ZYG11A: variants seen among roughly 807,000 people sequenced by gnomAD.
ZYG11A encodes protein zyg-11 homolog A.
ZYG11A carries 62 observed loss-of-function variants against 77.2 expected under a neutral mutation model. That is an observed-to-expected ratio of 0.80 (90% CI 0.65 to 0.99). ZYG11A has a LOEUF of 0.99. Among genes scored for constraint, ZYG11A ranks in the 50% least tolerant of loss-of-function variants. The pLI is 0.00. For missense variants in ZYG11A, 828 were observed against 896.8 expected, an observed-to-expected ratio of 0.92 and a Z score of 0.98; for synonymous variants, 315 against 324.6, an observed-to-expected ratio of 0.97 and a Z score of 0.32.
intron 1 of ZYG11A, among the ~76,000 whole-genome samples, chr1:52,850,332 T>C (rs1434330150): frequency 6.6e-6 from 1 of 151,560 alleles, no homozygotes; most frequent in Non-Finnish European, 1.5e-5. Context: ...TTTTTTTTTT[T>C]TTTTGAGATG....
In ZYG11A at chr1:52,864,053, A is replaced by C; in HGVS notation, c.1222A>C (p.Asn408His). The change falls in exon 5 of 14, where the codon AAC becomes CAC. Residue 408 changes from asparagine (N) to histidine (H), a missense_variant. By Grantham distance (68) the Asn-to-His change is moderately conservative. Transcript: ENST00000371528. Reference sequence around the variant, plus strand: ...GTTCACAGCCAGTGCTTGCGCTCTCAACCTAACACGCCAGGGCCTGGCCAA... The same window carrying C: ...GTTCACAGCCAGTGCTTGCGCTCTCCACCTAACACGCCAGGGCCTGGCCAA... Reference protein sequence around the residue: ...VQFTASACALNLTRQGLAKGM... With the variant: ...VQFTASACALHLTRQGLAKGM... 6.4e-7 allele frequency: 1 copy of C among 1,551,830 alleles called. No homozygotes were observed. Among genetic ancestry groups the C allele is most frequent in the Non-Finnish European group, 8.7e-7 (1 of 1,147,020 alleles).
intron 11 of ZYG11A, among the ~76,000 whole-genome samples, chr1:52,884,948 G>T (rs1259042774): frequency 6.6e-6 from 1 of 151,450 alleles, no homozygotes; most frequent in African/African-American, 2.4e-5. Flanking sequence ...CTGTTGTCCA[G>T]GCTGGAGTGC....
chr1:52,891,295 A>AT (rs1218118698), intron 13 of ZYG11A, among the ~76,000 whole-genome samples: 2 of 150,940 alleles, frequency 1.3e-5, no homozygotes, highest in African/African-American at 2.4e-5. Flanking sequence ...AGATATTCCT[A>AT]TTTTTTTTCT....
chr1:52,886,842 C>T (rs1191826060), intron 12 of ZYG11A, 114 bp from the exon 13 acceptor site: 12 of 291,912 alleles, frequency 4.1e-5, no homozygotes, highest in South Asian at 1.9e-4. Context: ...CCACCATGCC[C>T]GGCTGTGAAA....
chr1:52,881,360 A>T (rs1646358835), intron 10 of ZYG11A, 111 bp from the exon 11 acceptor site: 1 of 736,752 alleles, frequency 1.4e-6, no homozygotes, highest in Non-Finnish European at 2.2e-6. Context: ...GGGTATAAGA[A>T]TAAGAGTTCT....
intron 3 of ZYG11A, among the ~76,000 whole-genome samples, chr1:52,860,267 C>T (rs1049565404): frequency 6.6e-6 from 1 of 152,114 alleles, no homozygotes; most frequent in Non-Finnish European, 1.5e-5. Flanking sequence ...AGGCTGGTCT[C>T]GTAGTCCTGG....
At chr1:52,870,436 G>A (rs1270037215) in intron 8 of ZYG11A, among the ~76,000 whole-genome samples, 10 of 152,260 alleles carry the variant, frequency 6.6e-5, no homozygotes, top group Non-Finnish European at 1.3e-4. Flanking sequence ...AGGCAGAGAC[G>A]CCCCTCACTT....
At chr1:52,845,720 TG>T (rs1645560878) in intron 1 of ZYG11A, among the ~76,000 whole-genome samples, 1 of 152,050 alleles carries the variant, frequency 6.6e-6, no homozygotes, top group African/African-American at 2.4e-5. Flanking sequence ...AATTGATTTT[TG>T]CAGGGAGGAG....
chr1:52,885,785 A>G, intron 11 of ZYG11A, 48 bp from the exon 12 acceptor site: 1 of 1,367,064 alleles, frequency 7.3e-7, no homozygotes, highest in Non-Finnish European at 1.0e-6. Context: ...TTTGTTGTAA[A>G]TGATGGATTA....
chr1:52,886,934 T>G, intron 12 of ZYG11A, 22 bp from the exon 13 acceptor site: 1 of 1,334,846 alleles, frequency 7.5e-7, no homozygotes. Flanking sequence ...GATTAACATC[T>G]TTGTACTTTT....
chr1:52,857,376 T>C lies in ZYG11A; in HGVS notation c.635T>C (p.Ile212Thr), dbSNP rs1645833832. 1 of 1,551,758 alleles carries C rather than the reference T, an allele frequency of 6.4e-7. No individual in the cohort carries two copies. The highest frequency in any genetic ancestry group is 1.4e-5 in the African/African-American group (1 of 73,170). Reference protein sequence around the residue: ...SQLPRLESLDISNTLVTDISA... With the variant: ...SQLPRLESLDTSNTLVTDISA... ...TTACCAAGACTGGAAAGCTTAGATA[T>C]CTCTAATACTCTAGTCACTGATATT... The change falls in exon 3 of 14, where the codon ATC becomes ACC. Residue 212 changes from isoleucine to threonine, a missense_variant. By Grantham distance (89) the Ile-to-Thr change is moderately conservative. Transcript: ENST00000371528.
rs1251602808 is a variant in ZYG11A at position 52,857,646 on chromosome 1, CT to C, written c.906del (p.Val303Ter). Reference protein sequence around the residue: ...ISGGNCITDEAVELFIRLRPA... With the variant: ...ISGGNCITDEXVELFIRLRPA... ...GGGGGCAATTGCATCACTGATGAAGCTGTAGAACTGTTTATACGACTGCGGC... is the reference window on the plus strand; with the variant it reads ...GGGGGCAATTGCATCACTGATGAAGCGTAGAACTGTTTATACGACTGCGGC... On this transcript the variant is annotated frameshift_variant, in exon 3 of 14. Transcript: ENST00000371528. LOFTEE classifies it high-confidence loss of function. 6.4e-7 allele frequency: 1 copy of C among 1,552,006 alleles called. No individual in the cohort carries two copies. The highest frequency in any genetic ancestry group is 1.4e-5 in the African/African-American group (1 of 73,034).
chr1:52,857,659 T>G lies in ZYG11A; in HGVS notation c.918T>G (p.Phe306Leu), dbSNP rs1323926553. Residue 306 changes from phenylalanine (F) to leucine (L), a missense_variant, in exon 3 of 14, where the codon TTT becomes TTG. Physicochemically the swap from Phe to Leu is conservative, Grantham distance 22 (BLOSUM62 0). Coordinates refer to ENST00000371528, the MANE Select transcript of ZYG11A (RefSeq NM_001004339.3). ...NCITDEAVEL[F>L]IRLRPAMQFV... ...TCACTGATGAAGCTGTAGAACTGTT[T>G]ATACGACTGCGGCCTGCCATGCAAT... 6.4e-7 allele frequency: 1 copy of G among 1,552,104 alleles called. No homozygotes were observed. The highest frequency in any genetic ancestry group is 8.7e-7 in the Non-Finnish European group (1 of 1,147,102).
chr1:52,851,450 T>C (rs1645708678), intron 1 of ZYG11A, among the ~76,000 whole-genome samples: 1 of 152,166 alleles, frequency 6.6e-6, no homozygotes, highest in African/African-American at 2.4e-5. Flanking sequence ...CAGGCTGGAA[T>C]GTAGTGGCGC....
At chr1:52,870,921 C>T (rs143335201) in intron 8 of ZYG11A, among the ~76,000 whole-genome samples, 300 of 152,024 alleles carry the variant, frequency 2.0e-3, no homozygotes, top group African/African-American at 7.0e-3. Flanking sequence ...TTTTTTTATA[C>T]ATTAAGGAAA....
At chr1:52,876,164 T>G (rs1646257942) in intron 8 of ZYG11A, among the ~76,000 whole-genome samples, 1 of 152,166 alleles carries the variant, frequency 6.6e-6, no homozygotes, top group Non-Finnish European at 1.5e-5. Context: ...TAGTAGTCTT[T>G]GGAGCAAATT....
chr1:52,881,782 A>G (rs140767352), intron 11 of ZYG11A, 117 bp downstream of exon 11: 5 of 774,578 alleles, frequency 6.5e-6, no homozygotes, highest in African/African-American at 3.5e-5. Context: ...AGAAAAACTT[A>G]TTACTAACCC....
chr1:52,888,854 T>C (rs1646490918), intron 13 of ZYG11A, among the ~76,000 whole-genome samples: 1 of 152,078 alleles, frequency 6.6e-6, no homozygotes, highest in Admixed American at 6.5e-5. Context: ...AGAAATGTGG[T>C]TTTTAGGAGC....
At chr1:52,853,141 C>G (rs920495390) in intron 1 of ZYG11A, among the ~76,000 whole-genome samples, 1 of 152,164 alleles carries the variant, frequency 6.6e-6, no homozygotes, top group Non-Finnish European at 1.5e-5. Flanking sequence ...GGTTGTTTAC[C>G]CTTGTGATCG....
Sources: allele counts gnomAD v4.1 joint callset (sites outside exome capture counted in the v4.1 genomes callset), GRCh38; gene constraint gnomAD v4.1.1; transcripts MANE v1.5; gene names NCBI Gene and HGNC (gene_info 2026-07-23, HGNC 2026-07-21).